TCERG1: variants seen among roughly 807,000 people sequenced by gnomAD.
TCERG1 encodes transcription elongation regulator 1.
In TCERG1, 37 loss-of-function variants were observed where a neutral mutation model predicts 144.7. The ratio of observed to expected loss-of-function variants is 0.26; its 90% confidence interval spans 0.20 to 0.34. TCERG1 has a LOEUF of 0.34. Among genes scored for constraint, TCERG1 ranks in the 10% least tolerant of loss-of-function variants. The pLI, the probability that TCERG1 is intolerant of heterozygous loss-of-function variation, is 1.00. For synonymous variants in TCERG1, 492 were observed against 458.2 expected, an observed-to-expected ratio of 1.07 and a Z score of -0.94; for missense variants, 1,027 against 1,380.7, an observed-to-expected ratio of 0.74 and a Z score of 4.06.
At chr5:146,510,331 A>G (rs1439121275) in intron 22 of TCERG1, 110 bp from the exon 23 acceptor site, 2 of 937,338 alleles carry the variant, frequency 2.1e-6, no homozygotes, top group East Asian at 2.7e-5. Context: ...AAAAAAAAAA[A>G]AAAAAAAAAA....
intron 4 of TCERG1, among the ~76,000 whole-genome samples, chr5:146,460,962 G>A (rs1195802573): frequency 1.3e-5 from 2 of 152,068 alleles, no homozygotes; most frequent in Non-Finnish European, 2.9e-5. Flanking sequence ...TGGGAGAAGG[G>A]GATTAATAAA....
chr5:146,475,500 G>A (rs1764755556), intron 9 of TCERG1, among the ~76,000 whole-genome samples: 2 of 152,184 alleles, frequency 1.3e-5, no homozygotes, highest in African/African-American at 2.4e-5. Context: ...GCACTGGACT[G>A]CTCCCAACAA....
In TCERG1 at chr5:146,459,030, G is replaced by C. The variant is rs140816235; in HGVS notation, c.585G>C (p.Ala195=). ...CCCAGGCGCAGGCTCAGGCCCAGGC[G>C]CAGGCTCAGGCCCAGGCACAAGCTC... ...AQAQAQAQAQ[A]QAQAQAQAQA... Residue 195 remains alanine, a synonymous_variant, in exon 4 of 23, where the codon GCG becomes GCC. Transcript: ENST00000679501. 18 of 1,606,216 alleles carry C rather than the reference G, an allele frequency of 1.1e-5. No homozygotes were observed. In the Admixed American group the frequency reaches 2.9e-4, roughly 25 times the overall value.
At chr5:146,509,921 A>C in intron 22 of TCERG1, 23 of 405,162 alleles carry the variant, frequency 5.7e-5, no homozygotes, top group Non-Finnish European at 9.2e-5. Context: ...AATAAAGGGT[A>C]TGTGCACGGG....
At chr5:146,485,898 C>T (rs6875090) in intron 15 of TCERG1, among the ~76,000 whole-genome samples, 144,733 of 152,194 alleles carry the variant, frequency 0.95, 68,882 homozygotes, top group East Asian at 1. Context: ...TTTCACCATG[C>T]TGGCCAGGCT....
chr5:146,503,628 TG>T (rs1767683194), intron 18 of TCERG1, 89 bp downstream of exon 18: 1 of 1,490,610 alleles, frequency 6.7e-7, no homozygotes, highest in Non-Finnish European at 9.0e-7. Flanking sequence ...ATTTTTCTAT[TG>T]GGGGTTTGGA....
intron 17 of TCERG1, among the ~76,000 whole-genome samples, chr5:146,500,644 G>A (rs1767336686): frequency 6.6e-6 from 1 of 152,136 alleles, no homozygotes; most frequent in Non-Finnish European, 1.5e-5. Flanking sequence ...CATTTTGACG[G>A]TAAAGTCATT....
intron 17 of TCERG1, among the ~76,000 whole-genome samples, chr5:146,500,405 A>T (rs1435362681): frequency 9.6e-4 from 2 of 2,084 alleles, no homozygotes; most frequent in African/African-American, 1.7e-3. Context: ...TGTATACTTA[A>T]AAAAAAAAAA....
Position 146,450,192 on chromosome 5 carries a change from T to A in TCERG1, c.59+2784T>A, listed in dbSNP as rs141570733. Among the ~76,000 whole-genome samples, 224 of 152,354 alleles carry A rather than the reference T, an allele frequency of 1.5e-3. 1 individual carries two copies. Among genetic ancestry groups the A allele is most frequent in the African/African-American group, 5.2e-3 (216 of 41,576 alleles). On this transcript the variant is annotated intron_variant, in intron 1 of 22. Transcript: ENST00000679501. ...GGAGATTTCTTCATAGCATTTATCA[T>A]AATCGAAAACTCAAATTAGGAATAA...
intron 13 of TCERG1, chr5:146,482,022 A>C (rs938312222): frequency 6.6e-5 from 10 of 152,202 alleles, no homozygotes; most frequent in African/African-American, 2.4e-4. Flanking sequence ...ATAAAAAGTC[A>C]GGTAGGTAAG....
At chr5:146,495,023 A>G (rs1766757595) in intron 16 of TCERG1, among the ~76,000 whole-genome samples, 2 of 152,214 alleles carry the variant, frequency 1.3e-5, no homozygotes, top group African/African-American at 4.8e-5. Context: ...GTCTTTTCTC[A>G]TAAAAAGTGT....
chr5:146,463,342 A>C (rs1763502281), intron 4 of TCERG1, among the ~76,000 whole-genome samples: 1 of 151,982 alleles, frequency 6.6e-6, no homozygotes, highest in Non-Finnish European at 1.5e-5. Flanking sequence ...TTTTACTCCT[A>C]TATGTTTATC....
rs144331386 is a variant in TCERG1 at position 146,493,856 on chromosome 5, T to G, written c.2282+818T>G. ...GTGGTATTAGGTTACTGGGAATACC[T>G]CAGTATTCTAAAACTGTCGGGTAGC... On this transcript the variant is annotated intron_variant, in intron 16 of 22. Transcript: ENST00000679501. Among the ~76,000 whole-genome samples the G allele has an allele frequency of 5.5e-4, 83 of 152,184 alleles. 1 individual carries two copies. Among genetic ancestry groups the G allele is most frequent in the African/African-American group, 1.9e-3 (81 of 41,556 alleles).
chr5:146,481,827 A>G (rs1283644217), intron 13 of TCERG1: 3 of 152,142 alleles, frequency 2.0e-5, no homozygotes, highest in South Asian at 2.1e-4. Flanking sequence ...CATGTTTACA[A>G]TTTCACTTGA....
chr5:146,475,917 C>T (rs1299345163), intron 9 of TCERG1, among the ~76,000 whole-genome samples: 1 of 152,060 alleles, frequency 6.6e-6, no homozygotes, highest in Admixed American at 6.5e-5. Flanking sequence ...AATATATTTT[C>T]TATGTTTTTA....
intron 16 of TCERG1, among the ~76,000 whole-genome samples, chr5:146,496,772 G>A (rs1766940028): frequency 6.6e-6 from 1 of 151,678 alleles, no homozygotes; most frequent in Non-Finnish European, 1.5e-5. Flanking sequence ...CAGATTCCTG[G>A]GCTTAAGCAG....
At position 146,510,455 on chromosome 5, in the gene TCERG1, T is replaced by C. The variant is rs1768374097; in HGVS notation, c.3161T>C (p.Ile1054Thr). 6.2e-7 allele frequency: 1 copy of C among 1,612,898 alleles called. No homozygotes were observed. The highest frequency in any genetic ancestry group is 1.7e-5 in the Admixed American group (1 of 59,958). ...TCTTATTTCAGATCCAAAAAATTAA[T>C]CCAAGAATCAGATCAGCACCTGAAA... ...KFITYRSKKL[I>T]QESDQHLKDV... Residue 1054 changes from isoleucine (I) to threonine (T), a missense_variant, in exon 23 of 23, where the codon ATC becomes ACC. Ile to Thr is a moderately conservative substitution (Grantham distance 89). Coordinates refer to ENST00000679501, the MANE Select transcript of TCERG1 (RefSeq NM_001382548.1).
chr5:146,447,769 C>T (rs1253301999), intron 1 of TCERG1, among the ~76,000 whole-genome samples: 1 of 152,240 alleles, frequency 6.6e-6, no homozygotes, highest in African/African-American at 2.4e-5. Flanking sequence ...CCGCGCTCCG[C>T]TGCGGGCCTG....
chr5:146,471,517 A>G lies in TCERG1; in HGVS notation c.1542A>G (p.Glu514=). 6.2e-7 allele frequency: 1 copy of G among 1,613,900 alleles called. No homozygotes were observed. The highest frequency in any genetic ancestry group is 2.2e-5 in the East Asian group (1 of 44,878). Residue 514 remains glutamate, a synonymous_variant, in exon 9 of 23, where the codon GAA becomes GAG. Coordinates refer to ENST00000679501, the MANE Select transcript of TCERG1 (RefSeq NM_001382548.1). ...EEPKEEEMTE[E]EKAAQKAKPV... is the part of the protein sequence containing the mutation. The stretch of plus-strand genomic sequence containing the variant: ...CCAAAGAAGAGGAGATGACTGAAGA[A>G]GAAAAGGCTGCCCAGAAGGCAAAGC...
Sources: allele counts gnomAD v4.1 joint callset (sites outside exome capture counted in the v4.1 genomes callset), GRCh38; gene constraint gnomAD v4.1.1; transcripts MANE v1.5; gene names NCBI Gene and HGNC (gene_info 2026-07-23, HGNC 2026-07-21).